Variants in ENOX1 observed in about 807,000 individuals in gnomAD.
ENOX1 encodes ecto-NOX disulfide-thiol exchanger 1.
A neutral mutation model predicts 82.5 loss-of-function variants in ENOX1; 42 were observed. The observed-to-expected ratio is 0.51, with a 90% CI of 0.40 to 0.66. ENOX1 has a LOEUF of 0.66. ENOX1 is among the 30% of genes least tolerant of loss of function. ENOX1 has a pLI of 0.00. For synonymous variants in ENOX1, 271 were observed against 282.2 expected (o/e 0.96, Z 0.40); for missense variants, 608 against 811.6 (o/e 0.75, Z 3.05).
At chr13:43,417,138 C>T (rs923615426) in intron 3 of ENOX1, among the ~76,000 whole-genome samples, 1 of 151,574 alleles carries the variant, frequency 6.6e-6, no homozygotes, top group Admixed American at 6.6e-5. Flanking sequence ...GAGCCCGAGG[C>T]AGGGAGGTTG....
chr13:43,601,119 C>A (rs544349146), intron 2 of ENOX1, among the ~76,000 whole-genome samples: 13 of 152,054 alleles, frequency 8.5e-5, no homozygotes, highest in Admixed American at 2.0e-4. Context: ...TCTTCAATGA[C>A]AAGACTGGAC....
At chr13:43,238,871 G>C (rs2042678046) in intron 14 of ENOX1, among the ~76,000 whole-genome samples, 1 of 152,120 alleles carries the variant, frequency 6.6e-6, no homozygotes, top group Non-Finnish European at 1.5e-5. Flanking sequence ...CACAGTTGAA[G>C]ATCCAGGTTC....
intron 1 of ENOX1, among the ~76,000 whole-genome samples, chr13:43,690,986 C>A (rs1250406167): frequency 1.3e-5 from 2 of 152,164 alleles, no homozygotes; most frequent in Non-Finnish European, 2.9e-5. Flanking sequence ...TATGTGAATG[C>A]AAAATTCACA....
chr13:43,638,861 A>T (rs2083513135), intron 2 of ENOX1, among the ~76,000 whole-genome samples: 1 of 152,230 alleles, frequency 6.6e-6, no homozygotes, highest in South Asian at 2.1e-4. Flanking sequence ...TTACATGATT[A>T]ATTTTTGAGA....
chr13:43,439,041 C>CTTTTTTTTTTTT (rs61212622), intron 3 of ENOX1, among the ~76,000 whole-genome samples: 2 of 120,146 alleles, frequency 1.7e-5, no homozygotes, highest in Non-Finnish European at 3.4e-5. Flanking sequence ...GTCTTTTAAT[C>CTTTTTTTTTTTT]TTTTTTTTTT....
intron 2 of ENOX1, among the ~76,000 whole-genome samples, chr13:43,536,286 T>A (rs2078457900): frequency 6.6e-6 from 1 of 152,220 alleles, no homozygotes; most frequent in African/African-American, 2.4e-5. Context: ...TTAACCTCTA[T>A]AATCACTCTC....
At chr13:43,658,186 T>C (rs2084537878) in intron 2 of ENOX1, among the ~76,000 whole-genome samples, 1 of 152,196 alleles carries the variant, frequency 6.6e-6, no homozygotes, top group Non-Finnish European at 1.5e-5. Flanking sequence ...AATCTGAAAA[T>C]ATGTTATTTG....
At chr13:43,216,137 G>A (rs998562740) in intron 16 of ENOX1, among the ~76,000 whole-genome samples, 3 of 152,156 alleles carry the variant, frequency 2.0e-5, no homozygotes, top group Non-Finnish European at 4.4e-5. Flanking sequence ...GGCGGAGGTT[G>A]CAGTAAGCCG....
intron 2 of ENOX1, among the ~76,000 whole-genome samples, chr13:43,514,154 C>T (rs1283752067): frequency 6.6e-6 from 1 of 152,074 alleles, no homozygotes; most frequent in East Asian, 1.9e-4. Flanking sequence ...CAGCTCTTTT[C>T]TTTTTGTTGG....
chr13:43,290,066 CAAA>C (rs1469100895), intron 12 of ENOX1, among the ~76,000 whole-genome samples: 1 of 151,994 alleles, frequency 6.6e-6, no homozygotes, highest in Admixed American at 6.6e-5. Context: ...TTAAAAAAGT[CAAA>C]AACAACAGAT....
Position 43,772,263 on chromosome 13 carries a change from T to C in ENOX1, c.-285+14389A>G, listed in dbSNP as rs545649355. Among the ~76,000 whole-genome samples, 14 of 152,278 alleles carry C rather than the reference T, an allele frequency of 9.2e-5. No individual in the cohort carries two copies. In the East Asian group the frequency reaches 2.5e-3, roughly 27 times the overall value. On this transcript the variant is annotated intron_variant, in intron 1 of 16. Coordinates refer to ENST00000690772, the MANE Select transcript of ENOX1 (RefSeq NM_001347969.2). ...CTATTTTGTTCTGAGAAAGTCACGG[T>C]ACTCAAAGAAGATAATCTAAAATAA...
chr13:43,731,203 A>C (rs1184272516), intron 1 of ENOX1, among the ~76,000 whole-genome samples: 1 of 152,202 alleles, frequency 6.6e-6, no homozygotes, highest in Admixed American at 6.5e-5. Flanking sequence ...GGGTAATTAC[A>C]TCAATTTGCC....
At chr13:43,530,714 G>C (rs2078174201) in intron 2 of ENOX1, among the ~76,000 whole-genome samples, 1 of 152,042 alleles carries the variant, frequency 6.6e-6, no homozygotes, top group South Asian at 2.1e-4. Context: ...TTCAAGAACA[G>C]GAATTTGCCA....
chr13:43,236,502 A>G (rs916382140), intron 15 of ENOX1, 134 bp downstream of exon 15: 27 of 556,252 alleles, frequency 4.9e-5, no homozygotes, highest in East Asian at 2.1e-4. Flanking sequence ...TATGTAATAT[A>G]ATCTTGATGA....
chr13:43,232,441 T>A (rs1054261352), intron 15 of ENOX1, among the ~76,000 whole-genome samples: 10 of 152,214 alleles, frequency 6.6e-5, no homozygotes, highest in African/African-American at 2.4e-4. Flanking sequence ...AGATTACTTT[T>A]CTCAGGTACA....
chr13:43,661,923 C>G (rs1594309505), intron 2 of ENOX1, among the ~76,000 whole-genome samples: 2 of 152,208 alleles, frequency 1.3e-5, no homozygotes, highest in African/African-American at 2.4e-5. Context: ...ATCTTAGAAG[C>G]CAAATGTAAA....
chr13:43,772,749 TAA>T (rs35359203), intron 1 of ENOX1, among the ~76,000 whole-genome samples: 2,306 of 112,078 alleles, frequency 0.021, 38 homozygotes, highest in Non-Finnish European at 0.031. Flanking sequence ...ACTCTGTCTT[TAA>T]AAAAAAAAAA....
At chr13:43,472,807 G>A (rs1328061400) in intron 3 of ENOX1, among the ~76,000 whole-genome samples, 3 of 152,178 alleles carry the variant, frequency 2.0e-5, no homozygotes, top group Non-Finnish European at 2.9e-5. Flanking sequence ...AGCTGGGTAC[G>A]GAAATTTCAG....
chr13:43,659,075 A>C (rs1485500188), intron 2 of ENOX1, among the ~76,000 whole-genome samples: 2 of 151,854 alleles, frequency 1.3e-5, no homozygotes, highest in Non-Finnish European at 2.9e-5. Flanking sequence ...TTCTCTTTTT[A>C]CTACACTTTC....
Sources: gnomAD v4.1 joint callset for allele counts (sites outside exome capture counted in the v4.1 genomes callset) on GRCh38, gnomAD v4.1.1 for gene constraint, MANE v1.5 for transcripts, NCBI Gene and HGNC (gene_info 2026-07-23, HGNC 2026-07-21) for gene names.